Variants in EYS observed in about 807,000 individuals in gnomAD.
EYS encodes the protein EGF-like photoreceptor maintenance factor.
EYS carries 250 observed loss-of-function variants against 282.1 expected under a neutral mutation model. That is an observed-to-expected ratio of 0.89 (90% CI 0.80 to 0.98). EYS has a LOEUF of 0.98. EYS is among the 50% of genes least tolerant of loss of function. EYS has a pLI of 0.00. For missense variants in EYS, 4,016 were observed against 3,709.0 expected (o/e 1.08, Z -2.15); for synonymous variants, 1,355 against 1,282.9 (o/e 1.06, Z -1.20).
chr6:65,520,688 A>G (rs1421751232), intron 2 of EYS, among the ~76,000 whole-genome samples: 1 of 151,908 alleles, frequency 6.6e-6, no homozygotes, highest in Non-Finnish European at 1.5e-5. Context: ...ATATGTATAT[A>G]TCAGGAATAG....
At chr6:64,113,747 G>A (rs553243169) in intron 31 of EYS, among the ~76,000 whole-genome samples, 10 of 152,196 alleles carry the variant, frequency 6.6e-5, no homozygotes, top group Admixed American at 2.0e-4. Context: ...TTTTGGTACC[G>A]TATTTTAAAT....
chr6:64,821,214 A>G (rs1270858064), intron 21 of EYS, among the ~76,000 whole-genome samples: 1 of 152,060 alleles, frequency 6.6e-6, no homozygotes, highest in Non-Finnish European at 1.5e-5. Flanking sequence ...GTCTTGATAT[A>G]TGCATCCAGT....
chr6:63,787,636 A>G (rs1770399244), intron 39 of EYS, among the ~76,000 whole-genome samples: 2 of 152,184 alleles, frequency 1.3e-5, no homozygotes, highest in African/African-American at 4.8e-5. Context: ...CATCTAGTAC[A>G]TATGTAGTAA....
At chr6:64,485,248 C>G (rs918393222) in intron 26 of EYS, among the ~76,000 whole-genome samples, 3 of 151,428 alleles carry the variant, frequency 2.0e-5, no homozygotes, top group African/African-American at 7.3e-5. Context: ...GTTAGAGAAC[C>G]CTTTAGGATT....
chr6:64,105,788 G>A (rs1317908810), intron 31 of EYS, among the ~76,000 whole-genome samples: 4 of 152,220 alleles, frequency 2.6e-5, no homozygotes, highest in South Asian at 2.1e-4. Context: ...GCACTGAATA[G>A]TATTCCACTG....
chr6:63,765,052 G>GCACAT (rs528071509), intron 40 of EYS, among the ~76,000 whole-genome samples: 1 of 151,988 alleles, frequency 6.6e-6, no homozygotes, highest in African/African-American at 2.4e-5. Context: ...CCCTGAGGAG[G>GCACAT]AGTAGATTTT....
chr6:63,846,200 T>C (rs1481953252), intron 36 of EYS, among the ~76,000 whole-genome samples: 1 of 152,132 alleles, frequency 6.6e-6, no homozygotes, highest in African/African-American at 2.4e-5. Flanking sequence ...CAACTCTCCA[T>C]AGTTAAGAAA....
At chr6:65,620,361 T>G (rs1766425256) in intron 2 of EYS, among the ~76,000 whole-genome samples, 1 of 152,208 alleles carries the variant, frequency 6.6e-6, no homozygotes, top group Admixed American at 6.5e-5. Flanking sequence ...TGTAGTATTC[T>G]CTGATGGTAG....
At chr6:64,606,288 C>A (rs1162470424) in intron 24 of EYS, among the ~76,000 whole-genome samples, 1 of 151,962 alleles carries the variant, frequency 6.6e-6, no homozygotes, top group Non-Finnish European at 1.5e-5. Flanking sequence ...CCTGTTCTCC[C>A]TAGAACAATG....
At chr6:64,335,242 TC>T (rs1302213074) in intron 29 of EYS, among the ~76,000 whole-genome samples, 2 of 140,226 alleles carry the variant, frequency 1.4e-5, no homozygotes, top group African/African-American at 5.3e-5. Context: ...AAAGTGTGAC[TC>T]CCCCCACCCC....
chr6:64,204,512 T>G (rs1448846584), intron 31 of EYS, among the ~76,000 whole-genome samples: 1 of 152,088 alleles, frequency 6.6e-6, no homozygotes, highest in Admixed American at 6.6e-5. Flanking sequence ...GAAATATTAC[T>G]CAGAAATACA....
intron 12 of EYS, among the ~76,000 whole-genome samples, chr6:65,197,542 C>A (rs1194923392): frequency 6.6e-6 from 1 of 152,064 alleles, no homozygotes. Context: ...GCCTTATCAG[C>A]CACATTGATG....
At chr6:64,878,675 G>A (rs554647037) in intron 19 of EYS, among the ~76,000 whole-genome samples, 8 of 147,734 alleles carry the variant, frequency 5.4e-5, no homozygotes, top group African/African-American at 1.5e-4. Flanking sequence ...GTTTCTTTAA[G>A]CACATGCATT....
rs1349299044 is a variant in EYS, at chr6:64,997,664, A to T, written c.2177T>A (p.Val726Asp). Residue 726 changes from valine to aspartate, a missense_variant, in exon 14 of 43, where the codon GTT (valine) becomes GAT (aspartate). Physicochemically the swap from Val to Asp is radical, Grantham distance 152 (BLOSUM62 -3). Coordinates refer to ENST00000503581, the MANE Select transcript of EYS (RefSeq NM_001142800.2). ...GFSCLCNPGY[V>D]GIRCEQDIDD... The stretch of plus-strand genomic sequence containing the variant: ...AATGTCCTGTTCACATCTTATCCCA[A>T]CATAGCCTGGATTGCATAAGCAGGA... 78 of 1,551,104 alleles carry T rather than the reference A, an allele frequency of 5.0e-5. No homozygotes were observed. Among genetic ancestry groups the T allele is most frequent in the Non-Finnish European group, 6.7e-5 (77 of 1,146,616 alleles).
intron 2 of EYS, among the ~76,000 whole-genome samples, chr6:65,559,819 A>C (rs1398829677): frequency 6.6e-6 from 1 of 152,000 alleles, no homozygotes; most frequent in Admixed American, 6.6e-5. Context: ...ACTGAAAATT[A>C]CTTTATAGCT....
At chr6:64,687,284 A>G (rs1770189458) in intron 22 of EYS, among the ~76,000 whole-genome samples, 1 of 152,134 alleles carries the variant, frequency 6.6e-6, no homozygotes, top group Non-Finnish European at 1.5e-5. Flanking sequence ...GATTGTAAAA[A>G]TTATTATATT....
chr6:64,093,785 C>T (rs945233256), intron 31 of EYS, among the ~76,000 whole-genome samples: 2 of 152,128 alleles, frequency 1.3e-5, no homozygotes, highest in African/African-American at 4.8e-5. Context: ...GAACTTCCAA[C>T]ACTATGTTGA....
At chr6:64,515,999 A>G (rs971485993) in intron 26 of EYS, among the ~76,000 whole-genome samples, 10 of 151,786 alleles carry the variant, frequency 6.6e-5, no homozygotes, top group African/African-American at 2.4e-4. Flanking sequence ...TCCAGCTTTT[A>G]AAAGTCACCT....
chr6:64,261,561 TTTA>T (rs1477164031), intron 30 of EYS, among the ~76,000 whole-genome samples: 13 of 152,202 alleles, frequency 8.5e-5, no homozygotes, highest in African/African-American at 2.9e-4. Context: ...TATTTCATGT[TTTA>T]TTAACATGTA....
Sources: allele counts gnomAD v4.1 joint callset (sites outside exome capture counted in the v4.1 genomes callset), GRCh38; gene constraint gnomAD v4.1.1; transcripts MANE v1.5; gene names NCBI Gene and HGNC (gene_info 2026-07-23, HGNC 2026-07-21).